Variants in SLC14A2 observed in about 807,000 individuals in gnomAD.
SLC14A2 encodes the protein urea transporter 2.
A neutral mutation model predicts 104.6 loss-of-function variants in SLC14A2; 91 were observed. The ratio of observed to expected loss-of-function variants is 0.87; its 90% confidence interval spans 0.73 to 1.04. The LOEUF (loss-of-function observed/expected upper bound fraction) is 1.04, where lower values mean the gene tolerates loss of function less well. Ranked by LOEUF, SLC14A2 falls within the 50% of genes least tolerant of loss-of-function variation. The probability of loss-of-function intolerance (pLI) is 0.00; values close to 1 mark genes in which losing one functional copy is unlikely to be tolerated. For missense variants in SLC14A2, 1,189 were observed against 1,156.0 expected (o/e 1.03, Z -0.41); for synonymous variants, 476 against 466.4 (o/e 1.02, Z -0.27).
At chr18:45,179,267 A>G in the SLC14A2 span, among the ~76,000 whole-genome samples, 2 of 152,162 alleles carry the variant, frequency 1.3e-5, no homozygotes. Flanking sequence ...GAGGTTTGAG[A>G]AAGGTCGGAG....
At chr18:45,527,827 CTT>C (rs2043617646) in intron 2 of SLC14A2, 1 of 152,182 alleles carries the variant, frequency 6.6e-6, no homozygotes, top group South Asian at 2.1e-4. Context: ...GTTCATAACT[CTT>C]GTCTACTATG....
chr18:45,323,973 G>A (rs745347456), intron 1 of SLC14A2, among the ~76,000 whole-genome samples: 2 of 152,160 alleles, frequency 1.3e-5, no homozygotes, highest in Non-Finnish European at 2.9e-5. Context: ...GAGGGTTCAA[G>A]TTTAATGGCC....
rs10711605 is a variant in SLC14A2 at position 45,456,751 on chromosome 18, CTT to C, written c.-124-26467_-124-26466del. Among the ~76,000 whole-genome samples the C allele has an allele frequency of 3.5e-3, 492 of 141,772 alleles. 4 individuals carry two copies. The highest frequency in any genetic ancestry group is 4.1e-3 in the Non-Finnish European group (262 of 64,186). The allele number at this position is 141,772 out of a possible 152,430, so 93.0% of individuals were successfully genotyped here. A position where few individuals can be genotyped will look rare whatever the true frequency, so the allele number is the denominator to read the frequency against. Reference sequence around the variant, plus strand: ...TTTTTTCCTTTTCTTCCCCAGGAGACTTTTTTTTTTTTTTTTGGATGACCTTT... The same window carrying C: ...TTTTTTCCTTTTCTTCCCCAGGAGACTTTTTTTTTTTTTTGGATGACCTTT... On this transcript the variant is annotated intron_variant, in intron 1 of 20. Coordinates refer to the SLC14A2 transcript ENST00000586448.
rs118091710 is a variant in SLC14A2 at position 45,633,164 on chromosome 18, C to T, written c.650+686C>T. On this transcript the variant is annotated intron_variant, in intron 5 of 19. Coordinates refer to ENST00000255226, the MANE Select transcript of SLC14A2 (RefSeq NM_007163.4). ...TGCCATCAGTTTATGGAAGGGAAGACCAAGGCATGCAGAGATTAAGTCACT... is the reference window on the plus strand; with the variant it reads ...TGCCATCAGTTTATGGAAGGGAAGATCAAGGCATGCAGAGATTAAGTCACT... 7.6e-3 allele frequency among the ~76,000 whole-genome samples: 1,161 copies of T among 152,284 alleles called. 6 individuals carry two copies. Among genetic ancestry groups the T allele is most frequent in the Non-Finnish European group, 0.012 (844 of 68,040 alleles).
chr18:45,461,003 TC>T (rs2087035578), intron 1 of SLC14A2, among the ~76,000 whole-genome samples: 1 of 152,106 alleles, frequency 6.6e-6, no homozygotes, highest in South Asian at 2.1e-4. Context: ...ACCCAACCTT[TC>T]CTATGAGATC....
chr18:45,591,120 C>G (rs1017255638), intron 2 of SLC14A2, among the ~76,000 whole-genome samples: 1 of 152,168 alleles, frequency 6.6e-6, no homozygotes, highest in Non-Finnish European at 1.5e-5. Flanking sequence ...CTTCTCACCC[C>G]CATTGGAGGT....
chr18:45,280,948 C>G (rs1458151879), intron 1 of SLC14A2, among the ~76,000 whole-genome samples: 1 of 152,026 alleles, frequency 6.6e-6, no homozygotes, highest in African/African-American at 2.4e-5. Flanking sequence ...GAAAAGAATT[C>G]CTGTGCAGGC....
At chr18:45,348,302 G>A (rs764293938) in intron 1 of SLC14A2, among the ~76,000 whole-genome samples, 6 of 152,266 alleles carry the variant, frequency 3.9e-5, no homozygotes, top group South Asian at 2.1e-4. Flanking sequence ...TATCATTTAC[G>A]CATGTGTTAA....
chr18:45,260,357 G>T (rs1421056467), intron 1 of SLC14A2, among the ~76,000 whole-genome samples: 1 of 152,118 alleles, frequency 6.6e-6, no homozygotes, highest in African/African-American at 2.4e-5. Flanking sequence ...CAGGAAGAAA[G>T]ATCTTACAGA....
chr18:45,442,950 A>G (rs1241281256), intron 1 of SLC14A2, among the ~76,000 whole-genome samples: 1 of 152,216 alleles, frequency 6.6e-6, no homozygotes, highest in Non-Finnish European at 1.5e-5. Flanking sequence ...TGAAGCTTTT[A>G]GACTGTGTCT....
chr18:45,480,191 A>C (rs1481814096), intron 1 of SLC14A2, among the ~76,000 whole-genome samples: 1 of 152,170 alleles, frequency 6.6e-6, no homozygotes, highest in Non-Finnish European at 1.5e-5. Context: ...CTCATTTCTG[A>C]TTTGCTTGAG....
intron 1 of SLC14A2, among the ~76,000 whole-genome samples, chr18:45,384,324 T>C (rs998306633): frequency 6.6e-6 from 1 of 152,160 alleles, no homozygotes; most frequent in African/African-American, 2.4e-5. Context: ...CAGCATGGCA[T>C]TGTGGAAAGC....
intron 2 of SLC14A2, among the ~76,000 whole-genome samples, chr18:45,514,380 C>T (rs769975217): frequency 1.3e-5 from 2 of 152,182 alleles, no homozygotes; most frequent in Non-Finnish European, 2.9e-5. Context: ...GACAACACTA[C>T]AGGAAAGGTG....
rs1568001889 is a variant in SLC14A2 at position 45,667,903 on chromosome 18, C to A, written c.1788C>A (p.Asn596Lys). Reference protein sequence around the residue: ...RGTSQVMFVNNPLSGILIILG... With the variant: ...RGTSQVMFVNKPLSGILIILG... ...CATCTCAAGTGATGTTTGTGAACAA[C>A]CCCCTCAGCGGCATCCTCATCATCC... Residue 596 changes from asparagine to lysine, a missense_variant, in exon 14 of 20, where the codon AAC becomes AAA. Physicochemically the swap from Asn to Lys is moderately conservative, Grantham distance 94. Transcript: ENST00000255226. 6.2e-7 allele frequency: 1 copy of A among 1,614,100 alleles called. No homozygotes were observed. Among genetic ancestry groups the A allele is most frequent in the Admixed American group, 1.7e-5 (1 of 60,020 alleles).
At chr18:45,602,503 C>T (rs2044805462) in intron 2 of SLC14A2, among the ~76,000 whole-genome samples, 1 of 152,142 alleles carries the variant, frequency 6.6e-6, no homozygotes, top group Non-Finnish European at 1.5e-5. Flanking sequence ...CTGGCCTCAC[C>T]CCAAGGGTGG....
intron 5 of SLC14A2, 147 bp downstream of exon 5, chr18:45,632,625 G>A: frequency 2.5e-6 from 2 of 810,104 alleles, no homozygotes; most frequent in Non-Finnish European, 4.0e-6. Context: ...AAGCCCATGA[G>A]TTCTCTTGTA....
intron 2 of SLC14A2, among the ~76,000 whole-genome samples, chr18:45,602,324 A>G (rs1472080798): frequency 6.6e-6 from 1 of 152,198 alleles, no homozygotes; most frequent in East Asian, 1.9e-4. Flanking sequence ...TTCCTTATGG[A>G]GATTGGATAT....
At chr18:45,433,585 A>T (rs2086551561) in intron 1 of SLC14A2, among the ~76,000 whole-genome samples, 1 of 152,206 alleles carries the variant, frequency 6.6e-6, no homozygotes, top group African/African-American at 2.4e-5. Flanking sequence ...GGTTAAAAAG[A>T]TCTAGAAAAC....
At chr18:45,576,272 C>CT (rs776335445) in intron 2 of SLC14A2, among the ~76,000 whole-genome samples, 5,336 of 90,558 alleles carry the variant, frequency 0.059, 339 homozygotes, top group African/African-American at 0.075. Flanking sequence ...GGAGCAGGGG[C>CT]TTTTTTTTTT....
Sources: gnomAD v4.1 joint callset for allele counts (sites outside exome capture counted in the v4.1 genomes callset) on GRCh38, gnomAD v4.1.1 for gene constraint, MANE v1.5 for transcripts, NCBI Gene and HGNC (gene_info 2026-07-23, HGNC 2026-07-21) for gene names.